SYN3: variants seen among roughly 807,000 people sequenced by gnomAD.
The protein encoded by SYN3 is synapsin-3.
SYN3 carries 35 observed loss-of-function variants against 65.8 expected under a neutral mutation model. The observed-to-expected ratio is 0.53, with a 90% CI of 0.41 to 0.70. SYN3 has a LOEUF of 0.70. Among genes scored for constraint, SYN3 ranks in the 30% least tolerant of loss-of-function variants. The pLI is 0.00. For synonymous variants in SYN3, 270 were observed against 292.9 expected, an observed-to-expected ratio of 0.92 and a Z score of 0.80; for missense variants, 680 against 749.0, an observed-to-expected ratio of 0.91 and a Z score of 1.08.
chr22:32,537,153 C>T (rs1374098821), intron 9 of SYN3, among the ~76,000 whole-genome samples: 2 of 151,920 alleles, frequency 1.3e-5, no homozygotes, highest in Admixed American at 1.3e-4. Context: ...CTTGGCCCTT[C>T]GACCCTTCCC....
chr22:32,791,362 T>C (rs545572513), intron 6 of SYN3, among the ~76,000 whole-genome samples: 2 of 152,242 alleles, frequency 1.3e-5, no homozygotes, highest in South Asian at 4.2e-4. Flanking sequence ...TGATTCTAAC[T>C]TCGGTGCTTA....
chr22:32,552,151 C>T (rs548972052), intron 7 of SYN3, among the ~76,000 whole-genome samples: 76 of 152,234 alleles, frequency 5.0e-4, no homozygotes, highest in African/African-American at 1.7e-3. Context: ...GAGGTTGAGG[C>T]GGAAGAATCG....
intron 8 of SYN3, 29 bp downstream of exon 8, chr22:32,541,542 C>T: frequency 6.2e-7 from 1 of 1,612,836 alleles, no homozygotes; most frequent in Non-Finnish European, 8.5e-7. Context: ...TCCTCCCACA[C>T]TCCCCCAGCC....
intron 6 of SYN3, among the ~76,000 whole-genome samples, chr22:32,691,781 C>A (rs1018389407): frequency 1.3e-5 from 2 of 151,938 alleles, no homozygotes; most frequent in East Asian, 1.9e-4. Flanking sequence ...GAGAGAGGGG[C>A]AAACAGGAAG....
At chr22:32,602,485 CAG>C (rs1299215710) in intron 6 of SYN3, among the ~76,000 whole-genome samples, 1 of 152,064 alleles carries the variant, frequency 6.6e-6, no homozygotes, top group Non-Finnish European at 1.5e-5. Flanking sequence ...TTTTTGGAGA[CAG>C]AGTCTTGCTC....
chr22:32,858,884 C>T (rs1601560125), intron 6 of SYN3, among the ~76,000 whole-genome samples: 1 of 152,206 alleles, frequency 6.6e-6, no homozygotes, highest in East Asian at 1.9e-4. Flanking sequence ...AAAAAGTCCT[C>T]TCAGTAGTCT....
chr22:33,006,024 A>G (rs1263626571), intron 2 of SYN3, among the ~76,000 whole-genome samples: 1 of 152,224 alleles, frequency 6.6e-6, no homozygotes, highest in African/African-American at 2.4e-5. Flanking sequence ...GTATAATTAT[A>G]GCCTCACTTT....
At chr22:32,828,479 AAAG>A (rs2047478675) in intron 6 of SYN3, among the ~76,000 whole-genome samples, 1 of 152,250 alleles carries the variant, frequency 6.6e-6, no homozygotes, top group Non-Finnish European at 1.5e-5. Context: ...TGCACCCAGG[AAAG>A]AAGGAGCAGA....
chr22:32,660,475 C>T (rs2060201601), intron 6 of SYN3, among the ~76,000 whole-genome samples: 1 of 152,128 alleles, frequency 6.6e-6, no homozygotes, highest in Non-Finnish European at 1.5e-5. Context: ...AGAAACAGCA[C>T]CCTGTGTTGG....
At chr22:32,982,233 C>A (rs2052392838) in intron 2 of SYN3, among the ~76,000 whole-genome samples, 1 of 152,164 alleles carries the variant, frequency 6.6e-6, no homozygotes, top group Non-Finnish European at 1.5e-5. Context: ...CCCACATACT[C>A]CACCAAAGAT....
rs144961373 is a variant in SYN3, at chr22:32,822,835, G to A, written c.711+42080C>T. Among the ~76,000 whole-genome samples the A allele has an allele frequency of 5.7e-3, 874 of 152,194 alleles. 10 individuals are homozygous for A. Among genetic ancestry groups the A allele is most frequent in the African/African-American group, 0.018 (757 of 41,528 alleles). ...GGTGAATGAAAGAGTCATAAAAGAT[G>A]TTGAGGTAGTTCTCTATTGATGCCA... On this transcript the variant is annotated intron_variant, in intron 6 of 13. Transcript: ENST00000358763.
chr22:32,771,293 T>A (rs1214280104), intron 6 of SYN3, among the ~76,000 whole-genome samples: 1 of 152,230 alleles, frequency 6.6e-6, no homozygotes, highest in African/African-American at 2.4e-5. Flanking sequence ...CCTTGCCCTC[T>A]GAAGTTGTCC....
At chr22:32,928,340 G>T (rs141925929) in intron 4 of SYN3, among the ~76,000 whole-genome samples, 1 of 151,728 alleles carries the variant, frequency 6.6e-6, no homozygotes, top group African/African-American at 2.4e-5. Flanking sequence ...AAAAAAAAAA[G>T]AAAAAAAGAA....
At chr22:32,592,571 C>T (rs1289107923) in intron 7 of SYN3, among the ~76,000 whole-genome samples, 1 of 152,174 alleles carries the variant, frequency 6.6e-6, no homozygotes, top group Non-Finnish European at 1.5e-5. Flanking sequence ...TCCAGGCACA[C>T]CCAATCACAT....
At chr22:32,606,918 T>A (rs1263281727) in intron 6 of SYN3, among the ~76,000 whole-genome samples, 1 of 152,106 alleles carries the variant, frequency 6.6e-6, no homozygotes, top group Admixed American at 6.5e-5. Context: ...TGCAGGTTTG[T>A]TACATATGTA....
Position 32,746,946 on chromosome 22 carries a change from T to A in SYN3, c.711+117969A>T, listed in dbSNP as rs569892803. On this transcript the variant is annotated intron_variant, in intron 6 of 13. Transcript: ENST00000358763. ...TAGACAATTTGTGCTGTGCTCCAAA[T>A]GCTTTCTGGGAGCCAACTGAGATTC... Among the ~76,000 whole-genome samples the A allele has an allele frequency of 4.8e-3, 723 of 152,210 alleles. 7 individuals are homozygous for A. Among genetic ancestry groups the A allele is most frequent in the Non-Finnish European group, 7.3e-3 (495 of 68,024 alleles).
intron 6 of SYN3, among the ~76,000 whole-genome samples, chr22:32,704,867 A>T (rs1409266881): frequency 6.6e-6 from 1 of 152,146 alleles, no homozygotes; most frequent in Non-Finnish European, 1.5e-5. Flanking sequence ...TCTTTTGAAA[A>T]GTATCTGCTC....
intron 3 of SYN3, among the ~76,000 whole-genome samples, chr22:32,962,987 A>G (rs906822767): frequency 4.0e-5 from 6 of 150,726 alleles, no homozygotes; most frequent in African/African-American, 1.5e-4. Context: ...ATAGATTTGT[A>G]TATGTATGTA....
At chr22:32,707,694 CCTAT>C (rs1226006435) in intron 6 of SYN3, among the ~76,000 whole-genome samples, 1 of 151,984 alleles carries the variant, frequency 6.6e-6, no homozygotes, top group Non-Finnish European at 1.5e-5. Context: ...TTTCCCTTTT[CCTAT>C]CTGTGTCAAT....
Sources: gnomAD v4.1 joint callset for allele counts (sites outside exome capture counted in the v4.1 genomes callset) on GRCh38, gnomAD v4.1.1 for gene constraint, MANE v1.5 for transcripts, NCBI Gene and HGNC (gene_info 2026-07-23, HGNC 2026-07-21) for gene names.